FBLN1: variants seen among roughly 807,000 people sequenced by gnomAD.
FBLN1 encodes the protein fibulin 1.
A neutral mutation model predicts 89.7 loss-of-function variants in FBLN1; 34 were observed. The ratio of observed to expected loss-of-function variants is 0.38; its 90% CI spans 0.29 to 0.50. The LOEUF is 0.50. Among genes scored for constraint, FBLN1 ranks in the 20% least tolerant of loss-of-function variants. FBLN1 has a pLI of 0.92. For missense variants in FBLN1, 777 were observed against 988.1 expected (o/e 0.79, Z 2.86); for synonymous variants, 393 against 391.3 (o/e 1.00, Z -0.05).
chr22:45,577,127 C>G lies in FBLN1; in HGVS notation c.1972+19C>G. ...ACCGTGGGTGAGTGGCTGGGAATAT[C>G]AGCTCTATCCAGGCACCCCTCCCCC... On this transcript the variant is annotated intron_variant, in intron 16 of 16. Coordinates refer to ENST00000327858, the MANE Select transcript of FBLN1 (RefSeq NM_006486.3). The surrounding 1 kb of genome is among the most constrained non-coding windows in gnomAD (Gnocchi z 6.6). The G allele has an allele frequency of 6.2e-7, 1 of 1,613,558 alleles. No individual in the cohort carries two copies. Among genetic ancestry groups the G allele is most frequent in the South Asian group, 1.1e-5 (1 of 91,066 alleles).
chr22:45,560,489 C>A (rs1350081334), intron 14 of FBLN1, among the ~76,000 whole-genome samples: 1 of 152,138 alleles, frequency 6.6e-6, no homozygotes, highest in Non-Finnish European at 1.5e-5. Context: ...CAAGGAAGAC[C>A]AAGCATTTCC....
Position 45,600,704 on chromosome 22 carries a change from T to A in FBLN1, c.*258T>A. On this transcript the variant is annotated 3_prime_UTR_variant, in exon 17 of 17. Coordinates refer to ENST00000327858, the MANE Select transcript of FBLN1 (RefSeq NM_006486.3). ...AATGCGAAGGCTAAGTGTCACCCCC[T>A]TTCTCTGCCTCTGGCTGGGCCTTGC... 4 of 523,366 alleles carry A rather than the reference T, an allele frequency of 7.6e-6. No individual in the cohort carries two copies. The South Asian group carries it at 8.1e-5, about 11-fold the overall frequency. The allele number at this position is 523,366 out of a possible 1,614,324, so 32.4% of individuals were successfully genotyped here.
chr22:45,505,833 A>G (rs966537478), intron 1 of FBLN1, among the ~76,000 whole-genome samples: 10 of 152,130 alleles, frequency 6.6e-5, no homozygotes, highest in Admixed American at 6.5e-5. Context: ...GTGCAATGGC[A>G]TGATCTCGAC....
rs140273104 is a variant in FBLN1, at chr22:45,590,863, C to T, written c.1973-9444C>T. Among the ~76,000 whole-genome samples the T allele has an allele frequency of 6.6e-6, 1 of 151,796 alleles. No homozygotes were observed. Among genetic ancestry groups the T allele is most frequent in the South Asian group, 2.1e-4 (1 of 4,810 alleles). On this transcript the variant is annotated intron_variant, in intron 16 of 16. Coordinates refer to ENST00000327858, the MANE Select transcript of FBLN1 (RefSeq NM_006486.3). The surrounding 1 kb of genome is among the most constrained non-coding windows in gnomAD (Gnocchi z 4.1). ...GGGAGGAGGGTAGGTCAGTGTTTGG[C>T]GTGCTTGGATTTGAATTGTCCATCT...
At chr22:45,513,170 C>T (rs1382853006) in intron 1 of FBLN1, among the ~76,000 whole-genome samples, 7 of 152,136 alleles carry the variant, frequency 4.6e-5, no homozygotes, top group East Asian at 1.9e-4. Context: ...AGTAAGTCAA[C>T]GGGCAAAGCA....
In FBLN1 at chr22:45,583,485, T is replaced by C. The variant is rs2089059259; in HGVS notation, c.1972+6377T>C. 6.6e-6 allele frequency among the ~76,000 whole-genome samples: 1 copy of C among 152,222 alleles called. No homozygotes were observed. The highest frequency in any genetic ancestry group is 1.5e-5 in the Non-Finnish European group (1 of 68,032). Reference sequence around the variant, plus strand: ...ATGGAATCAGATGAAACGATGTATGTGAAAGCTCCCAGCAGTGCCTGGCAC... The same window carrying C: ...ATGGAATCAGATGAAACGATGTATGCGAAAGCTCCCAGCAGTGCCTGGCAC... On this transcript the variant is annotated intron_variant, in intron 16 of 16. Transcript: ENST00000327858. The surrounding 1 kb of genome is among the most constrained non-coding windows in gnomAD (Gnocchi z 4.5).
chr22:45,571,860 G>T (rs1009362174), intron 14 of FBLN1, among the ~76,000 whole-genome samples: 62 of 152,286 alleles, frequency 4.1e-4, no homozygotes, highest in Admixed American at 3.7e-3. Context: ...GCCAGGCGCG[G>T]TGGCTCACAC....
chr22:45,527,485 C>G (rs1176854352), intron 3 of FBLN1, among the ~76,000 whole-genome samples: 1 of 152,022 alleles, frequency 6.6e-6, no homozygotes, highest in Non-Finnish European at 1.5e-5. Context: ...AACTTTGGAG[C>G]TGGTGCATGG....
intron 14 of FBLN1, among the ~76,000 whole-genome samples, chr22:45,568,907 C>T (rs1445877510): frequency 6.6e-6 from 1 of 152,226 alleles, no homozygotes; most frequent in Non-Finnish European, 1.5e-5. Context: ...TGTTGGTGAT[C>T]ATTGGTGTTC....
chr22:45,571,727 G>A (rs1221823169), intron 14 of FBLN1, among the ~76,000 whole-genome samples: 7 of 152,166 alleles, frequency 4.6e-5, no homozygotes, highest in Non-Finnish European at 1.0e-4. Context: ...AACTCTTGGT[G>A]TATATTAGTT....
intron 3 of FBLN1, among the ~76,000 whole-genome samples, 197 bp downstream of exon 3, chr22:45,525,875 C>T (rs1423478945): frequency 1.3e-5 from 2 of 152,194 alleles, no homozygotes; most frequent in African/African-American, 4.8e-5. Context: ...CCGTAAACCC[C>T]GGAGGACACC....
At chr22:45,516,753 C>G (rs2088174928) in intron 1 of FBLN1, among the ~76,000 whole-genome samples, 1 of 152,242 alleles carries the variant, frequency 6.6e-6, no homozygotes, top group South Asian at 2.1e-4. Flanking sequence ...TCCTGCCAGC[C>G]TCGGGGAGCC....
At chr22:45,533,363 T>G (rs2088435528) in intron 6 of FBLN1, among the ~76,000 whole-genome samples, 199 bp downstream of exon 6, 1 of 152,160 alleles carries the variant, frequency 6.6e-6, no homozygotes, top group Non-Finnish European at 1.5e-5. Context: ...CAAGACAATA[T>G]AAGCACTGGG....
chr22:45,523,012 T>A, intron 2 of FBLN1: 1 of 596,430 alleles, frequency 1.7e-6, no homozygotes, highest in Non-Finnish European at 3.2e-6. Flanking sequence ...CGTCTGATGG[T>A]TTGTAGGAAG....
intron 1 of FBLN1, among the ~76,000 whole-genome samples, chr22:45,515,134 G>A (rs554959427): frequency 3.9e-5 from 6 of 152,350 alleles, no homozygotes; most frequent in Admixed American, 2.0e-4. Flanking sequence ...GGCCTTGTCT[G>A]TAGGCCTTTG....
chr22:45,577,262 A>G lies in FBLN1; in HGVS notation c.1972+154A>G, dbSNP rs533670577. The stretch of plus-strand genomic sequence containing the variant: ...AGCGCCGAGGCCACCACAGCTCCCA[A>G]TCGGTCTCGGCCGGAGGAACAGCCA... On this transcript the variant is annotated intron_variant, in intron 16 of 16. Coordinates refer to ENST00000327858, the MANE Select transcript of FBLN1 (RefSeq NM_006486.3). The surrounding 1 kb of genome is among the most constrained non-coding windows in gnomAD (Gnocchi z 6.6). 4.6e-5 allele frequency among the ~76,000 whole-genome samples: 7 copies of G among 151,886 alleles called. No homozygotes were observed. In the South Asian group the frequency reaches 1.3e-3, roughly 27 times the overall value.
At chr22:45,598,321 T>A (rs2089203231) in intron 16 of FBLN1, among the ~76,000 whole-genome samples, 1 of 152,184 alleles carries the variant, frequency 6.6e-6, no homozygotes, top group Non-Finnish European at 1.5e-5. Flanking sequence ...CCATAGAAAT[T>A]GGCCGATGGT....
Position 45,530,282 on chromosome 22 carries a change from G to A in FBLN1, c.485-983G>A, listed in dbSNP as rs1228776311. Among the ~76,000 whole-genome samples, 1 of 151,938 alleles carries A rather than the reference G, an allele frequency of 6.6e-6. No homozygotes were observed. The highest frequency in any genetic ancestry group is 2.4e-5 in the African/African-American group (1 of 41,362). ...TGCATCTCGGGGGTGGATTTTCACT[G>A]ATTTATGTCTGCAGCGTGAGCAGTC... On this transcript the variant is annotated intron_variant, in intron 4 of 16. Coordinates refer to ENST00000327858, the MANE Select transcript of FBLN1 (RefSeq NM_006486.3). The surrounding 1 kb of genome is among the most constrained non-coding windows in gnomAD (Gnocchi z 5.4).
rs144311990 is a variant in FBLN1, at chr22:45,586,677, A to G, written c.1972+9569A>G. 6.6e-3 allele frequency among the ~76,000 whole-genome samples: 999 copies of G among 152,328 alleles called. 11 individuals carry two copies. The highest frequency in any genetic ancestry group is 0.023 in the African/African-American group (951 of 41,572). ...ACATGCCTGAGCCATCAGGGACTGC[A>G]AATCACAGGGGTGGGAAGACAGGGA... is the stretch of plus-strand genomic sequence containing the variant. On this transcript the variant is annotated intron_variant, in intron 16 of 16. Coordinates refer to ENST00000327858, the MANE Select transcript of FBLN1 (RefSeq NM_006486.3).
Sources: gnomAD v4.1 joint callset for allele counts (sites outside exome capture counted in the v4.1 genomes callset) on GRCh38, gnomAD v4.1.1 for gene constraint, Gnocchi (gnomAD v3.1) non-coding constraint, MANE v1.5 for transcripts, NCBI Gene and HGNC (gene_info 2026-07-23, HGNC 2026-07-21) for gene names.